Variants in MEF2C observed in about 807,000 individuals in gnomAD.
MEF2C encodes myocyte-specific enhancer factor 2C.
A neutral mutation model predicts 50.5 loss-of-function variants in MEF2C; 6 were observed. The ratio of observed to expected loss-of-function variants is 0.12; its 90% CI spans 0.07 to 0.23. The LOEUF (loss-of-function observed/expected upper bound fraction) is 0.23. MEF2C is among the 10% of genes least tolerant of loss of function. MEF2C has a pLI of 1.00. For missense variants in MEF2C, 276 were observed against 605.0 expected (o/e 0.46, Z 5.70); for synonymous variants, 183 against 228.0 (o/e 0.80, Z 1.78).
intron 3 of MEF2C, among the ~76,000 whole-genome samples, chr5:88,791,524 A>G (rs1405573829): frequency 6.6e-6 from 1 of 152,168 alleles, no homozygotes; most frequent in Non-Finnish European, 1.5e-5. Flanking sequence ...GACTAGAGGA[A>G]GCTCAGTTTT....
At chr5:88,899,900 A>C (rs1456254909) in intron 1 of MEF2C, among the ~76,000 whole-genome samples, 1 of 152,172 alleles carries the variant, frequency 6.6e-6, no homozygotes, top group East Asian at 1.9e-4. Flanking sequence ...AGTCATAAAA[A>C]TGTTGATTAT....
chr5:88,845,089 A>T (rs943226294), intron 1 of MEF2C, among the ~76,000 whole-genome samples: 18 of 152,256 alleles, frequency 1.2e-4, no homozygotes, highest in African/African-American at 4.1e-4. Context: ...GGATACTAAA[A>T]AACGTCAAGG....
At chr5:88,733,812 C>T in intron 6 of MEF2C, 1 of 985,252 alleles carries the variant, frequency 1.0e-6, no homozygotes, top group Non-Finnish European at 1.2e-6. Context: ...ACTGGACACC[C>T]CCAAAACGTG....
intron 1 of MEF2C, among the ~76,000 whole-genome samples, chr5:88,847,889 A>G (rs1364049583): frequency 6.6e-6 from 1 of 152,172 alleles, no homozygotes; most frequent in Non-Finnish European, 1.5e-5. Flanking sequence ...AATGACTTGG[A>G]TCACAAATGC....
chr5:88,768,793 CA>C (rs1781117983), intron 3 of MEF2C: 1 of 607,590 alleles, frequency 1.6e-6, no homozygotes, highest in South Asian at 7.1e-5. Flanking sequence ...CGTTAAAACT[CA>C]ATGTTTTTAT....
chr5:88,824,021 A>G, intron 1 of MEF2C, 91 bp from the exon 2 acceptor site: 1 of 1,181,492 alleles, frequency 8.5e-7, no homozygotes, highest in Non-Finnish European at 1.1e-6. Context: ...GAAATAAACT[A>G]TATGGAGCTA....
intron 1 of MEF2C, among the ~76,000 whole-genome samples, chr5:88,855,956 A>C (rs999112316): frequency 6.6e-6 from 1 of 152,196 alleles, no homozygotes; most frequent in Non-Finnish European, 1.5e-5. Flanking sequence ...ACTGGGTAAC[A>C]GGCAGAGGTT....
At chr5:88,756,950 T>C (rs1775645780) in intron 4 of MEF2C, among the ~76,000 whole-genome samples, 1 of 152,198 alleles carries the variant, frequency 6.6e-6, no homozygotes, top group African/African-American at 2.4e-5. Flanking sequence ...ACTGGCTATG[T>C]AATTTGCAGG....
intron 1 of MEF2C, among the ~76,000 whole-genome samples, chr5:88,865,935 G>C (rs1827183847): frequency 6.7e-6 from 1 of 150,280 alleles, no homozygotes; most frequent in Non-Finnish European, 1.5e-5. Flanking sequence ...TTGGTCTGTA[G>C]CCCAGGCTGG....
chr5:88,848,894 T>C (rs1340556656), intron 1 of MEF2C, among the ~76,000 whole-genome samples: 4 of 152,282 alleles, frequency 2.6e-5, no homozygotes, highest in Admixed American at 2.0e-4. Flanking sequence ...GGCTAACGCA[T>C]GTAATCCCAG....
At chr5:88,831,724 A>G (rs1005201763) in intron 1 of MEF2C, among the ~76,000 whole-genome samples, 1 of 152,088 alleles carries the variant, frequency 6.6e-6, no homozygotes, top group Non-Finnish European at 1.5e-5. Flanking sequence ...TGATATTGCT[A>G]TTATATGTGG....
At chr5:88,870,365 CAGTT>C (rs1337155097) in intron 1 of MEF2C, among the ~76,000 whole-genome samples, 2 of 151,966 alleles carry the variant, frequency 1.3e-5, no homozygotes, top group African/African-American at 4.8e-5. Flanking sequence ...CATATATTCT[CAGTT>C]ACTCTTTAAA....
intron 5 of MEF2C, chr5:88,750,246 C>T (rs1772068252): frequency 3.8e-6 from 1 of 263,774 alleles, no homozygotes; most frequent in Admixed American, 6.6e-5. Context: ...CTCTGTTGCC[C>T]AGGCTGGAGT....
intron 3 of MEF2C, chr5:88,781,944 G>A (rs1349219816): frequency 5.1e-6 from 1 of 197,406 alleles, no homozygotes; most frequent in Non-Finnish European, 9.1e-6. Context: ...TTGTACTCCA[G>A]CCTGGGCAAC....
At chr5:88,815,108 T>C (rs77548617) in intron 2 of MEF2C, among the ~76,000 whole-genome samples, 2 of 152,166 alleles carry the variant, frequency 1.3e-5, no homozygotes, top group East Asian at 1.9e-4. Context: ...ATAAGAGATA[T>C]AATTTGAATC....
intron 4 of MEF2C, among the ~76,000 whole-genome samples, chr5:88,755,000 C>T (rs1774638362): frequency 6.6e-6 from 1 of 152,138 alleles, no homozygotes; most frequent in South Asian, 2.1e-4. Flanking sequence ...CCCACGCTGA[C>T]CACCCTATTT....
At chr5:88,747,322 TTTTTTTACTAC>T (rs1197095008) in intron 6 of MEF2C, among the ~76,000 whole-genome samples, 1 of 127,494 alleles carries the variant, frequency 7.8e-6, no homozygotes, top group East Asian at 2.3e-4. Context: ...ACATTTTTTT[TTTTTTTACTAC>T]TTTTTTTTTT....
chr5:88,813,996 G>A (rs1157380611), intron 2 of MEF2C, among the ~76,000 whole-genome samples: 3 of 151,956 alleles, frequency 2.0e-5, no homozygotes, highest in African/African-American at 7.3e-5. Flanking sequence ...CCCAGTTGAG[G>A]AAACAGAATG....
chr5:88,873,503 T>A (rs1413759142), intron 1 of MEF2C, among the ~76,000 whole-genome samples: 7 of 151,832 alleles, frequency 4.6e-5, no homozygotes, highest in African/African-American at 1.7e-4. Context: ...AACACTGAAG[T>A]CAAGAATTCT....
Sources: gnomAD v4.1 joint callset for allele counts (sites outside exome capture counted in the v4.1 genomes callset) on GRCh38, gnomAD v4.1.1 for gene constraint, MANE v1.5 for transcripts, NCBI Gene and HGNC (gene_info 2026-07-23, HGNC 2026-07-21) for gene names.